The following FN1 variants were observed in gnomAD, a reference collection of about 807,000 sequenced individuals.
FN1 encodes fibronectin 1.
A neutral mutation model predicts 297.3 loss-of-function variants in FN1; 106 were observed. That is an observed-to-expected ratio of 0.36 (90% CI 0.30 to 0.42). FN1 has a LOEUF of 0.42. Among genes scored for constraint, FN1 ranks in the 10% least tolerant of loss-of-function variants. The pLI, the probability that FN1 is intolerant of heterozygous loss-of-function variation, is 1.00. For synonymous variants in FN1, 1,149 were observed against 1,152.6 expected (o/e 1.00, Z 0.06); for missense variants, 2,690 against 3,124.9 (o/e 0.86, Z 3.32).
Position 215,399,251 on chromosome 2 carries a change from G to C in FN1, c.3348+6C>G. 1.2e-6 allele frequency: 2 copies of C among 1,603,738 alleles called. No homozygotes were observed. The highest frequency in any genetic ancestry group is 1.7e-6 in the Non-Finnish European group (2 of 1,170,620). ...ATCACAGAGATTAGGAACATCTGCA[G>C]TTTACCTTAAAACCAATTCTTGGAG... On this transcript the variant is annotated splice_donor_region_variant and intron_variant, in intron 21 of 45. Transcript: ENST00000354785.
rs986548756 is a variant in FN1 at position 215,373,203 on chromosome 2, G to A, written c.6247+119C>T. On this transcript the variant is annotated intron_variant, in intron 39 of 45. Transcript: ENST00000354785. ...ATACAATATATACACTATGCTGTTA[G>A]ATAAAAAAAATCACAAGAAATGCAT... 9.0e-6 allele frequency: 7 copies of A among 777,598 alleles called. No individual in the cohort carries two copies. In the Admixed American group the frequency reaches 1.1e-4, roughly 12 times the overall value. The allele number at this position is 777,598 out of a possible 1,614,324, so 48.2% of individuals were successfully genotyped here.
chr2:215,431,969 T>C lies in FN1; in HGVS notation c.416-5A>G, dbSNP rs746543755. The C allele has an allele frequency of 4.3e-6, 7 of 1,614,008 alleles. No individual in the cohort carries two copies. The highest frequency in any genetic ancestry group is 5.9e-6 in the Non-Finnish European group (7 of 1,180,004). ...GACCCCCTTCATGGCAGCGGTCTGT[T>C]GAAGATACAACGAAAATGTTAGGAG... On this transcript the variant is annotated splice_polypyrimidine_tract_variant and splice_region_variant and intron_variant, in intron 3 of 45. Transcript: ENST00000354785.
At chr2:215,434,605 G>T in intron 2 of FN1, 91 bp downstream of exon 2, 1 of 1,400,792 alleles carries the variant, frequency 7.1e-7, no homozygotes, top group South Asian at 1.2e-5. Context: ...TTAGAAAAAT[G>T]GTGTATGTAT....
At chr2:215,401,441 A>C (rs2061158856) in intron 20 of FN1, among the ~76,000 whole-genome samples, 1 of 152,174 alleles carries the variant, frequency 6.6e-6, no homozygotes, top group South Asian at 2.1e-4. Context: ...GAAAGGTAAG[A>C]TCGCAGAAGG....
chr2:215,427,263 T>G (rs2065626155), intron 6 of FN1, among the ~76,000 whole-genome samples: 1 of 152,194 alleles, frequency 6.6e-6, no homozygotes, highest in South Asian at 2.1e-4. Context: ...CTTGTTCACC[T>G]TCATAAGTGC....
At chr2:215,424,954 T>C (rs532080125) in intron 7 of FN1, 140 bp downstream of exon 7, 2 of 804,182 alleles carry the variant, frequency 2.5e-6, no homozygotes, top group African/African-American at 1.7e-5. Flanking sequence ...CTATTTCAAA[T>C]GCCAACCCTA....
In FN1 at chr2:215,388,195, C is replaced by T. The variant is rs745967686; in HGVS notation, c.4342+17G>A. ...AGGCAAAAGCTACTGGATAGTCATA[C>T]TGCCAACACCACTCACCTGTTTTCT... is the stretch of plus-strand genomic sequence containing the variant. On this transcript the variant is annotated intron_variant, in intron 27 of 45. Coordinates refer to ENST00000354785, the MANE Select transcript of FN1 (RefSeq NM_212482.4). 7 of 1,588,092 alleles carry T rather than the reference C, an allele frequency of 4.4e-6. No individual in the cohort carries two copies. The South Asian group carries it at 7.7e-5, about 18-fold the overall frequency.
Position 215,386,797 on chromosome 2 carries a change from TCCGAGAGTGGGGCAC to T in FN1, c.4489_4503del (p.Val1497_Arg1501del). ...GTGAGGTTGGTGAGGGTGATGGAAT[TCCGAGAGTGGGGCAC>T]CCGATCTTCTCGAGGTCTCCCACTG... On this transcript the variant is annotated inframe_deletion, in exon 28 of 46. Coordinates refer to ENST00000354785, the MANE Select transcript of FN1 (RefSeq NM_212482.4). 6.2e-7 allele frequency: 1 copy of T among 1,613,912 alleles called. No homozygotes were observed. The highest frequency in any genetic ancestry group is 8.5e-7 in the Non-Finnish European group (1 of 1,179,976).
chr2:215,404,678 C>G lies in FN1; in HGVS notation c.2987-23G>C, dbSNP rs754220640. ...GTTCTAGGAAAAAAGATGAAACATGCCAAGAAATATTTAGATCAGTAATGA... is the reference window on the plus strand; with the variant it reads ...GTTCTAGGAAAAAAGATGAAACATGGCAAGAAATATTTAGATCAGTAATGA... On this transcript the variant is annotated intron_variant, in intron 19 of 45. Transcript: ENST00000354785. 3.7e-6 allele frequency: 6 copies of G among 1,606,524 alleles called. No homozygotes were observed. In the South Asian group the frequency reaches 5.5e-5, roughly 15 times the overall value.
At chr2:215,434,650 C>A (rs775543998) in intron 2 of FN1, 46 bp downstream of exon 2, 1 of 1,610,528 alleles carries the variant, frequency 6.2e-7, no homozygotes, top group Non-Finnish European at 8.5e-7. Context: ...ACAATTACCA[C>A]TTCATGTATT....
chr2:215,432,476 C>T (rs1184417112), intron 3 of FN1, among the ~76,000 whole-genome samples: 1 of 152,196 alleles, frequency 6.6e-6, no homozygotes, highest in African/African-American at 2.4e-5. Context: ...CCCAATGGCA[C>T]ATTCAAATGC....
intron 20 of FN1, among the ~76,000 whole-genome samples, chr2:215,402,484 A>G (rs545948234): frequency 1.3e-5 from 2 of 152,326 alleles, no homozygotes; most frequent in East Asian, 1.9e-4. Context: ...ACAAGTTATA[A>G]AACTCAGAAA....
At chr2:215,414,983 A>G (rs2063235401) in intron 12 of FN1, 25 bp from the exon 13 acceptor site, 1 of 1,578,598 alleles carries the variant, frequency 6.3e-7, no homozygotes, top group African/African-American at 1.3e-5. Context: ...GTAGCATTTA[A>G]TTATCTTGAA....
chr2:215,381,620 C>T (rs1327051407), intron 32 of FN1: 2 of 199,748 alleles, frequency 1.0e-5, no homozygotes, highest in South Asian at 8.8e-5. Flanking sequence ...ATTACAGGCA[C>T]GTGCCACCGC....
rs780377696 is a variant in FN1 at position 215,362,048 on chromosome 2, C to A, written c.7283G>T (p.Gly2428Val). Reference protein sequence around the residue: ...GWRCDNCRRPGGEPSPEGTTG... With the variant: ...GWRCDNCRRPVGEPSPEGTTG... ...AGTGCCTTCGGGACTGGGTTCACCC[C>A]CAGGTCTGCGGCAGTTGTCACAGCG... Residue 2428 changes from glycine (G) to valine (V), a missense_variant, in exon 45 of 46, where the codon GGG becomes GTG. Gly to Val is a moderately radical substitution (Grantham distance 109). Coordinates refer to ENST00000354785, the MANE Select transcript of FN1 (RefSeq NM_212482.4). The A allele has an allele frequency of 6.2e-7, 1 of 1,614,016 alleles. No individual in the cohort carries two copies. Among genetic ancestry groups the A allele is most frequent in the South Asian group, 1.1e-5 (1 of 91,058 alleles).
At chr2:215,386,655 T>C in intron 28 of FN1, 34 bp downstream of exon 28, 1 of 1,598,898 alleles carries the variant, frequency 6.3e-7, no homozygotes, top group Non-Finnish European at 8.5e-7. Flanking sequence ...GGTAGGAAAG[T>C]CTTCTGAGTT....
chr2:215,423,623 C>T (rs1431398293), intron 8 of FN1, 97 bp from the exon 9 acceptor site: 4 of 1,067,280 alleles, frequency 3.7e-6, no homozygotes, highest in Non-Finnish European at 4.3e-6. Context: ...GTTTCTGCAG[C>T]TCATTCACAG....
chr2:215,419,291 A>G lies in FN1; in HGVS notation c.1770T>C (p.Tyr590=). 2 of 1,613,948 alleles carry G rather than the reference A, an allele frequency of 1.2e-6. No individual in the cohort carries two copies. The highest frequency in any genetic ancestry group is 4.5e-5 in the East Asian group (2 of 44,878). Residue 590 remains tyrosine (Y), a synonymous_variant, in exon 12 of 46, where the codon TAT becomes TAC. Coordinates refer to ENST00000354785, the MANE Select transcript of FN1 (RefSeq NM_212482.4). ...VHGVRYQCYC[Y]GRGIGEWHCQ... Reference sequence around the variant, plus strand: ...AATGCCACTCCCCAATGCCACGGCCATAGCAGTAGCACTGGTATCTGACAC... The same window carrying G: ...AATGCCACTCCCCAATGCCACGGCCGTAGCAGTAGCACTGGTATCTGACAC...
At position 215,383,333 on chromosome 2, in the gene FN1, C is replaced by A. The variant is rs751156652; in HGVS notation, c.5045G>T (p.Gly1682Val). The change falls in exon 31 of 46, where the codon GGT becomes GTT. Residue 1682 changes from glycine to valine, a missense_variant. Transcript: ENST00000354785. ...GPGPTKTKTA[G>V]PDQTEMTIEG... The stretch of plus-strand genomic sequence containing the variant: ...GAGATGCAGATGATTCTTACCTGGA[C>A]CTGCAGTTTTAGTTTTTGTTGGTCC... 8.1e-6 allele frequency: 13 copies of A among 1,614,100 alleles called. No homozygotes were observed. The highest frequency in any genetic ancestry group is 1.1e-5 in the Non-Finnish European group (13 of 1,179,986).
Sources: allele counts gnomAD v4.1 joint callset (sites outside exome capture counted in the v4.1 genomes callset), GRCh38; gene constraint gnomAD v4.1.1; transcripts MANE v1.5; gene names NCBI Gene and HGNC (gene_info 2026-07-23, HGNC 2026-07-21).